GPATCH8: variants seen among roughly 807,000 people sequenced by gnomAD.
GPATCH8 encodes the protein G patch domain-containing protein 8.
In GPATCH8, 18 loss-of-function variants were observed where a neutral mutation model predicts 118.3. The ratio of observed to expected loss-of-function variants is 0.15; its 90% CI spans 0.11 to 0.23. GPATCH8 has a LOEUF of 0.23. Ranked by LOEUF, GPATCH8 falls within the 10% of genes least tolerant of loss-of-function variation. GPATCH8 has a pLI of 1.00. For missense variants in GPATCH8, 1,631 were observed against 1,873.8 expected, an observed-to-expected ratio of 0.87 and a Z score of 2.39; for synonymous variants, 659 against 684.7, an observed-to-expected ratio of 0.96 and a Z score of 0.59.
intron 6 of GPATCH8, among the ~76,000 whole-genome samples, chr17:44,419,513 G>T (rs892893119): frequency 6.6e-6 from 1 of 152,152 alleles, no homozygotes; most frequent in South Asian, 2.1e-4. Flanking sequence ...CCGAGACAGG[G>T]TCTTGCTCTG....
At chr17:44,482,328 C>T (rs529068008) in intron 1 of GPATCH8, among the ~76,000 whole-genome samples, 1 of 152,094 alleles carries the variant, frequency 6.6e-6, no homozygotes, top group South Asian at 2.1e-4. Context: ...AATACCAGCA[C>T]TTTGGGAGGC....
chr17:44,444,964 G>A (rs1032316483), intron 3 of GPATCH8, among the ~76,000 whole-genome samples: 4 of 152,210 alleles, frequency 2.6e-5, no homozygotes, highest in East Asian at 1.9e-4. Context: ...GATGCGCGCC[G>A]CTTAACATCA....
intron 3 of GPATCH8, among the ~76,000 whole-genome samples, chr17:44,439,516 A>G (rs995992633): frequency 1.3e-5 from 2 of 152,308 alleles, no homozygotes; most frequent in African/African-American, 4.8e-5. Flanking sequence ...GCCTGGGCCA[A>G]GTAGTAATTT....
intron 6 of GPATCH8, among the ~76,000 whole-genome samples, chr17:44,421,488 C>T (rs1005649431): frequency 3.3e-5 from 5 of 151,740 alleles, no homozygotes; most frequent in Non-Finnish European, 7.4e-5. Context: ...GCCTCAGCCT[C>T]CTGAGAAGCT....
intron 3 of GPATCH8, among the ~76,000 whole-genome samples, chr17:44,445,575 G>A (rs901630324): frequency 2.0e-5 from 3 of 151,470 alleles, no homozygotes; most frequent in Non-Finnish European, 2.9e-5. Context: ...GCGCGATCTC[G>A]GCTCACTGCA....
intron 2 of GPATCH8, among the ~76,000 whole-genome samples, chr17:44,468,593 T>A (rs549041392): frequency 7.2e-4 from 109 of 151,576 alleles, no homozygotes; most frequent in African/African-American, 1.7e-3. Context: ...AAAATAATTT[T>A]AAAAAAAAGT....
intron 3 of GPATCH8, among the ~76,000 whole-genome samples, chr17:44,452,389 G>A (rs997164383): frequency 2.0e-5 from 3 of 150,888 alleles, no homozygotes; most frequent in Non-Finnish European, 4.4e-5. Context: ...ATTTAAGTTA[G>A]AAAATCCATG....
At chr17:44,451,664 T>A (rs1005549945) in intron 3 of GPATCH8, among the ~76,000 whole-genome samples, 2 of 152,190 alleles carry the variant, frequency 1.3e-5, no homozygotes, top group African/African-American at 4.8e-5. Context: ...CCAATTTCCA[T>A]CCCTAAATAT....
chr17:44,412,980 A>C (rs1302646878), intron 6 of GPATCH8, among the ~76,000 whole-genome samples: 1 of 152,182 alleles, frequency 6.6e-6, no homozygotes, highest in African/African-American at 2.4e-5. Context: ...GGATGAGATC[A>C]CCCAAGAAGA....
intron 6 of GPATCH8, among the ~76,000 whole-genome samples, chr17:44,412,369 A>T (rs1175326278): frequency 6.6e-6 from 1 of 152,092 alleles, no homozygotes; most frequent in Non-Finnish European, 1.5e-5. Flanking sequence ...GAAACAGAGC[A>T]AGAACCTTTC....
intron 3 of GPATCH8, among the ~76,000 whole-genome samples, chr17:44,458,184 A>G (rs191459880): frequency 4.8e-4 from 72 of 151,566 alleles, no homozygotes; most frequent in Middle Eastern, 3.4e-3. Context: ...CCAGGAGATC[A>G]AGGCTGCAGT....
rs555378173 is a variant in GPATCH8 at position 44,411,959 on chromosome 17, G to A, written c.493-5908C>T. ...AAAATTGAGATGGAGTTTCACTCTT[G>A]TTGCCCAGGCTGGAGTACAATGGCG... On this transcript the variant is annotated intron_variant, in intron 6 of 7. Coordinates refer to ENST00000591680, the MANE Select transcript of GPATCH8 (RefSeq NM_001002909.4). Among the ~76,000 whole-genome samples the A allele has an allele frequency of 1.6e-3, 238 of 152,248 alleles. 1 individual carries two copies. The highest frequency in any genetic ancestry group is 5.4e-3 in the African/African-American group (224 of 41,550).
At chr17:44,456,743 T>C (rs1368777951) in intron 3 of GPATCH8, among the ~76,000 whole-genome samples, 1 of 152,222 alleles carries the variant, frequency 6.6e-6, no homozygotes, top group African/African-American at 2.4e-5. Flanking sequence ...GAAACAAGAC[T>C]GGGAAGGAGG....
chr17:44,463,396 T>C (rs998133311), intron 3 of GPATCH8, among the ~76,000 whole-genome samples: 1 of 152,244 alleles, frequency 6.6e-6, no homozygotes, highest in Non-Finnish European at 1.5e-5. Flanking sequence ...AATTTTTTTC[T>C]TTTCTTTTGA....
At chr17:44,452,610 C>A (rs1234150832) in intron 3 of GPATCH8, among the ~76,000 whole-genome samples, 1 of 152,158 alleles carries the variant, frequency 6.6e-6, no homozygotes, top group Non-Finnish European at 1.5e-5. Flanking sequence ...CATACCCAGA[C>A]AACTTTCTAA....
chr17:44,483,945 G>A (rs536702713), intron 1 of GPATCH8, among the ~76,000 whole-genome samples: 9 of 152,134 alleles, frequency 5.9e-5, no homozygotes, highest in Admixed American at 1.3e-4. Flanking sequence ...AGGTTCAAGC[G>A]ATTCTCCTGC....
At chr17:44,444,539 A>T (rs550902514) in intron 3 of GPATCH8, among the ~76,000 whole-genome samples, 1 of 151,910 alleles carries the variant, frequency 6.6e-6, no homozygotes, top group African/African-American at 2.4e-5. Flanking sequence ...GTGGGAGGCC[A>T]AGGCAGGCAG....
intron 7 of GPATCH8, among the ~76,000 whole-genome samples, chr17:44,402,852 G>A (rs2049079921): frequency 6.6e-6 from 1 of 152,120 alleles, no homozygotes; most frequent in Admixed American, 6.6e-5. Flanking sequence ...AATGTTACCT[G>A]AGCACTTTCA....
intron 6 of GPATCH8, among the ~76,000 whole-genome samples, chr17:44,420,537 C>A (rs2049860420): frequency 6.6e-6 from 1 of 151,998 alleles, no homozygotes; most frequent in Admixed American, 6.6e-5. Flanking sequence ...TTGGGACAAC[C>A]AAAAATGTAC....
Sources: gnomAD v4.1 joint callset for allele counts (sites outside exome capture counted in the v4.1 genomes callset) on GRCh38, gnomAD v4.1.1 for gene constraint, MANE v1.5 for transcripts, NCBI Gene and HGNC (gene_info 2026-07-23, HGNC 2026-07-21) for gene names.